The following CCDC30 variants were observed in gnomAD, a reference collection of about 807,000 sequenced individuals.
The protein encoded by CCDC30 is coiled-coil domain-containing protein 30.
In CCDC30, 70 loss-of-function variants were observed where a neutral mutation model predicts 100.2. The observed-to-expected ratio is 0.70, with a 90% confidence interval of 0.58 to 0.85. The LOEUF (loss-of-function observed/expected upper bound fraction) is 0.85, where lower values mean the gene tolerates loss of function less well. Among genes scored for constraint, CCDC30 ranks in the 40% least tolerant of loss-of-function variants. CCDC30 has a pLI of 0.00. For missense variants in CCDC30, 652 were observed against 771.2 expected, an observed-to-expected ratio of 0.85 and a Z score of 1.83; for synonymous variants, 233 against 269.5, an observed-to-expected ratio of 0.86 and a Z score of 1.33.
At chr1:42,633,898 C>A (rs999395231) in intron 11 of CCDC30, among the ~76,000 whole-genome samples, 3 of 152,100 alleles carry the variant, frequency 2.0e-5, no homozygotes, top group East Asian at 1.9e-4. Context: ...AGGAAACTTA[C>A]AATCGTGGCA....
chr1:42,512,070 C>A (rs1644486853), intron 6 of CCDC30, among the ~76,000 whole-genome samples: 2 of 152,002 alleles, frequency 1.3e-5, no homozygotes, highest in Non-Finnish European at 2.9e-5. Context: ...AGGGATGGGC[C>A]GAAATAAAGG....
chr1:42,511,120 TC>T (rs34242996), intron 6 of CCDC30, among the ~76,000 whole-genome samples: 1 of 151,980 alleles, frequency 6.6e-6, no homozygotes, highest in Non-Finnish European at 1.5e-5. Flanking sequence ...AGTGAGGGCA[TC>T]CCCCTTACTG....
In CCDC30 at chr1:42,596,592, C is replaced by A. The variant is rs1174560214; in HGVS notation, c.1164+7109C>A. Among the ~76,000 whole-genome samples, 1 of 151,980 alleles carries A rather than the reference C, an allele frequency of 6.6e-6. No homozygotes were observed. The highest frequency in any genetic ancestry group is 2.4e-5 in the African/African-American group (1 of 41,394). ...GGCACAGGCTTACTAAAAGACTGTA[C>A]CTAATCATAGAGCTATAGAATGCCA... On this transcript the variant is annotated intron_variant, in intron 10 of 16. Coordinates refer to ENST00000668663, the Ensembl canonical transcript of CCDC30. This position sits in a 1 kb window ranked among gnomAD's most constrained non-coding sequence, Gnocchi z 4.3.
upstream of CCDC30, among the ~76,000 whole-genome samples, chr1:42,462,080 C>T (rs1438813238): frequency 6.6e-6 from 1 of 152,176 alleles, no homozygotes; most frequent in Non-Finnish European, 1.5e-5. Flanking sequence ...ATTATTACCT[C>T]CCTTGGGAAT....
Position 42,554,739 on chromosome 1 carries a change from C to A in CCDC30, c.457-11557C>A, listed in dbSNP as rs151264756. On this transcript the variant is annotated intron_variant, in intron 6 of 16. Transcript: ENST00000668663. ...TATTTGTGTTCATTCTCCTTGTCAT[C>A]CACACTCTCTAACCATTGAAGGTGC... 1.3e-3 allele frequency among the ~76,000 whole-genome samples: 199 copies of A among 152,270 alleles called. 1 individual carries two copies. Among genetic ancestry groups the A allele is most frequent in the African/African-American group, 4.6e-3 (193 of 41,548 alleles).
intron 6 of CCDC30, among the ~76,000 whole-genome samples, chr1:42,549,349 A>G (rs1042781180): frequency 6.6e-6 from 1 of 152,200 alleles, no homozygotes; most frequent in Non-Finnish European, 1.5e-5. Context: ...TGAAATGACT[A>G]TTTCATTCAC....
At chr1:42,581,038 C>A (rs112339467) in intron 8 of CCDC30, 6,949 of 368,754 alleles carry the variant, frequency 0.019, 457 homozygotes, top group African/African-American at 0.14. Flanking sequence ...TGGGGTTTTA[C>A]CATGTTGCCC....
chr1:42,634,268 A>C (rs61071179), intron 11 of CCDC30, among the ~76,000 whole-genome samples: 34 of 143,164 alleles, frequency 2.4e-4, no homozygotes, highest in East Asian at 6.4e-4. Flanking sequence ...AAAAAAAAAA[A>C]AAAAAACAAA....
At chr1:42,633,756 T>C (rs1647087368) in intron 11 of CCDC30, among the ~76,000 whole-genome samples, 1 of 152,084 alleles carries the variant, frequency 6.6e-6, no homozygotes, top group South Asian at 2.1e-4. Context: ...CTAAAAATTG[T>C]TTTAAAAGTT....
In CCDC30 at chr1:42,646,117, A is replaced by C; in HGVS notation, c.1672-18A>C. The C allele has an allele frequency of 6.4e-7, 1 of 1,553,540 alleles. No homozygotes were observed. Among genetic ancestry groups the C allele is most frequent in the South Asian group, 1.3e-5 (1 of 79,334 alleles). On this transcript the variant is annotated intron_variant, in intron 14 of 16. Coordinates refer to ENST00000668663, the Ensembl canonical transcript of CCDC30. ...TACCTATTGAAATAAATAACTCCAA[A>C]ATTGTTTTTAAACTTAGAATCTTAA... is the stretch of plus-strand genomic sequence containing the variant.
chr1:42,546,400 A>ATG (rs1645139298), intron 6 of CCDC30, among the ~76,000 whole-genome samples: 1 of 97,622 alleles, frequency 1.0e-5, no homozygotes, highest in African/African-American at 3.9e-5. Flanking sequence ...AAAAAAAAAA[A>ATG]TATATATATA....
At chr1:42,632,539 G>A (rs1019494239) in intron 11 of CCDC30, among the ~76,000 whole-genome samples, 4 of 151,900 alleles carry the variant, frequency 2.6e-5, no homozygotes, top group South Asian at 2.1e-4. Flanking sequence ...TGAGGTGGGC[G>A]GATCACCTGA....
At chr1:42,532,227 TCTA>T (rs1160535886) in intron 6 of CCDC30, among the ~76,000 whole-genome samples, 3 of 152,226 alleles carry the variant, frequency 2.0e-5, no homozygotes, top group African/African-American at 7.2e-5. Context: ...CTGTGGGTCT[TCTA>T]CCTCCACATC....
intron 6 of CCDC30, among the ~76,000 whole-genome samples, chr1:42,560,435 T>A (rs1309869787): frequency 6.6e-6 from 1 of 152,130 alleles, no homozygotes; most frequent in African/African-American, 2.4e-5. Flanking sequence ...AGTGGTGTGA[T>A]CTTAGCTCAC....
Position 42,596,369 on chromosome 1 carries a change from C to T in CCDC30, c.1164+6886C>T, listed in dbSNP as rs372878162. Among the ~76,000 whole-genome samples the T allele has an allele frequency of 6.6e-6, 1 of 152,122 alleles. No homozygotes were observed. Among genetic ancestry groups the T allele is most frequent in the Non-Finnish European group, 1.5e-5 (1 of 68,024 alleles). ...TTCCAGAACGGGGAGAAAAGGGGAA[C>T]ATTTGAAACTTCCTAACAGGGTCTG... On this transcript the variant is annotated intron_variant, in intron 10 of 16. Coordinates refer to ENST00000668663, the Ensembl canonical transcript of CCDC30. The surrounding 1 kb of genome is among the most constrained non-coding windows in gnomAD (Gnocchi z 4.3).
At chr1:42,510,672 T>C (rs4348765) in intron 6 of CCDC30, among the ~76,000 whole-genome samples, 19,497 of 142,642 alleles carry the variant, frequency 0.14, 1,466 homozygotes, top group East Asian at 0.19. Context: ...AAAAAAAAAA[T>C]GTGGAAAGCT....
chr1:42,655,865 T>C (rs1648640073), downstream of CCDC30, among the ~76,000 whole-genome samples: 1 of 141,110 alleles, frequency 7.1e-6, no homozygotes, highest in Non-Finnish European at 1.5e-5. Flanking sequence ...AAGCTGTTTT[T>C]ACTTTTTTTT....
chr1:42,461,142 C>T (rs1337208129), upstream of CCDC30, among the ~76,000 whole-genome samples: 2 of 152,170 alleles, frequency 1.3e-5, no homozygotes, highest in Admixed American at 1.3e-4. Flanking sequence ...ACTTAAAATA[C>T]AATTCATGGT....
intron 6 of CCDC30, among the ~76,000 whole-genome samples, chr1:42,542,394 G>A (rs1158690878): frequency 4.0e-5 from 6 of 151,680 alleles, no homozygotes; most frequent in Admixed American, 3.9e-4. Flanking sequence ...CTGAGATGAG[G>A]TCTCTCTATC....
Sources: gnomAD v4.1 joint callset for allele counts (sites outside exome capture counted in the v4.1 genomes callset) on GRCh38, gnomAD v4.1.1 for gene constraint, Gnocchi (gnomAD v3.1) non-coding constraint, MANE v1.5 for transcripts, NCBI Gene and HGNC (gene_info 2026-07-23, HGNC 2026-07-21) for gene names.